The following CNST variants were observed in gnomAD, a reference collection of about 807,000 sequenced individuals.
CNST encodes consortin, connexin sorting protein, also known as consortin.
A neutral mutation model predicts 72.4 loss-of-function variants in CNST; 39 were observed. The observed-to-expected ratio is 0.54, with a 90% confidence interval of 0.42 to 0.70. The LOEUF is 0.70. Ranked by LOEUF, CNST falls within the 30% of genes least tolerant of loss-of-function variation. The probability of loss-of-function intolerance (pLI) is 0.00; values close to 1 mark genes in which losing one functional copy is unlikely to be tolerated. For missense variants in CNST, 871 were observed against 868.5 expected, an observed-to-expected ratio of 1.00 and a Z score of -0.04; for synonymous variants, 332 against 320.1, an observed-to-expected ratio of 1.04 and a Z score of -0.40.
chr1:246,639,193 G>A (rs908097219), intron 6 of CNST, among the ~76,000 whole-genome samples: 7 of 152,030 alleles, frequency 4.6e-5, no homozygotes, highest in Non-Finnish European at 8.8e-5. Context: ...CGTTCGTCGG[G>A]ATAGAGAGAA....
chr1:246,667,951 G>A lies in CNST; in HGVS notation c.*2046G>A, dbSNP rs768558431. Reference sequence around the variant, plus strand: ...AACCCAACATCTCCTGGGGACCTTCGCAGCAAGAGGAAAGCACTGAGACAA... The same window carrying A: ...AACCCAACATCTCCTGGGGACCTTCACAGCAAGAGGAAAGCACTGAGACAA... On this transcript the variant is annotated 3_prime_UTR_variant, in exon 11 of 11. Transcript: ENST00000366513. 2.6e-5 allele frequency: 4 copies of A among 152,154 alleles called. No individual in the cohort carries two copies. The highest frequency in any genetic ancestry group is 9.7e-5 in the African/African-American group (4 of 41,438). The allele number at this position is 152,154 out of a possible 1,614,324, so 9.4% of individuals were successfully genotyped here. A position where few individuals can be genotyped will look rare whatever the true frequency, so the allele number is the denominator to read the frequency against.
At chr1:246,574,132 C>G (rs1660231745) in intron 1 of CNST, among the ~76,000 whole-genome samples, 2 of 152,210 alleles carry the variant, frequency 1.3e-5, no homozygotes, top group Non-Finnish European at 2.9e-5. Context: ...CTCCACTACT[C>G]CTGGGTTCAC....
At chr1:246,642,407 A>C (rs1572225975) in intron 8 of CNST, among the ~76,000 whole-genome samples, 1 of 152,262 alleles carries the variant, frequency 6.6e-6, no homozygotes, top group Non-Finnish European at 1.5e-5. Flanking sequence ...AAAAACCAAC[A>C]GTTATTGTAT....
At chr1:246,613,663 T>TTCTCTC in intron 2 of CNST, among the ~76,000 whole-genome samples, 1 of 152 alleles carries the variant, frequency 6.6e-3, no homozygotes, top group Non-Finnish European at 0.012. Flanking sequence ...CTCTCTCTCC[T>TTCTCTC]CCTCTCTACC....
chr1:246,652,959 G>A (rs887755784), intron 9 of CNST, among the ~76,000 whole-genome samples: 18 of 150,656 alleles, frequency 1.2e-4, no homozygotes, highest in Non-Finnish European at 8.9e-5. Flanking sequence ...AGCCGAGATT[G>A]CACCACTGCA....
chr1:246,605,218 A>T (rs1044875112), intron 2 of CNST, among the ~76,000 whole-genome samples: 1 of 152,228 alleles, frequency 6.6e-6, no homozygotes. Context: ...TAAACAATGA[A>T]TTTAATCGGA....
At chr1:246,573,597 C>A (rs1049935371) in intron 1 of CNST, among the ~76,000 whole-genome samples, 33 of 151,982 alleles carry the variant, frequency 2.2e-4, no homozygotes, top group Non-Finnish European at 1.5e-5. Flanking sequence ...AGGGATTGCC[C>A]GGTGAATGCC....
At chr1:246,660,142 C>T (rs1234108457) in intron 9 of CNST, 57 bp from the exon 10 acceptor site, 11 of 1,462,050 alleles carry the variant, frequency 7.5e-6, no homozygotes, top group Non-Finnish European at 1.0e-5. Context: ...TTTATAGCTA[C>T]ATGTAGAGAT....
At chr1:246,647,052 A>AT in intron 8 of CNST, 87 bp from the exon 9 acceptor site, 1 of 1,165,404 alleles carries the variant, frequency 8.6e-7, no homozygotes, top group South Asian at 1.5e-5. Flanking sequence ...ATATTGCTGT[A>AT]TTACACATAT....
intron 2 of CNST, among the ~76,000 whole-genome samples, chr1:246,605,678 C>T (rs1349546262): frequency 6.9e-6 from 1 of 144,978 alleles, no homozygotes; most frequent in African/African-American, 2.5e-5. Flanking sequence ...GCGTGTCTTC[C>T]GGCCGGGGTA....
At chr1:246,604,436 T>C (rs1340746408) in intron 2 of CNST, among the ~76,000 whole-genome samples, 4 of 152,190 alleles carry the variant, frequency 2.6e-5, no homozygotes, top group African/African-American at 9.7e-5. Flanking sequence ...TTTTGATCTA[T>C]TGAAAGTTCA....
chr1:246,659,356 A>G (rs1666943148), intron 9 of CNST, among the ~76,000 whole-genome samples: 1 of 152,192 alleles, frequency 6.6e-6, no homozygotes, highest in Admixed American at 6.5e-5. Flanking sequence ...GCACTTTGGG[A>G]GGCCAAGGCG....
rs1414575499 is a variant in CNST at position 246,591,722 on chromosome 1, A to C, written c.160A>C (p.Ser54Arg). The C allele has an allele frequency of 1.2e-6, 2 of 1,614,218 alleles. No homozygotes were observed. Among genetic ancestry groups the C allele is most frequent in the Non-Finnish European group, 1.7e-6 (2 of 1,180,054 alleles). ...DGDGHEHLTS[S>R]DSAMGKPQVS... ...GGACGGGCATGAGCATCTGACCAGC[A>C]GTGACAGTGCGATGGGAAAGCCCCA... The change falls in exon 2 of 11, where the codon AGT becomes CGT. Residue 54 changes from serine to arginine, a missense_variant. Coordinates refer to ENST00000366513, the MANE Select transcript of CNST (RefSeq NM_152609.3).
intron 10 of CNST, among the ~76,000 whole-genome samples, chr1:246,661,048 C>T (rs1055016409): frequency 2.6e-5 from 4 of 152,050 alleles, no homozygotes; most frequent in Admixed American, 2.0e-4. Flanking sequence ...ACTGCAACCT[C>T]AACCTCCACC....
intron 4 of CNST, among the ~76,000 whole-genome samples, chr1:246,632,757 G>A (rs923233143): frequency 2.0e-5 from 3 of 152,174 alleles, no homozygotes; most frequent in African/African-American, 4.8e-5. Context: ...GTAGAATCAC[G>A]TGATAATAAT....
chr1:246,576,092 A>C (rs374511480), intron 1 of CNST, among the ~76,000 whole-genome samples: 1 of 149,076 alleles, frequency 6.7e-6, no homozygotes, highest in Non-Finnish European at 1.5e-5. Context: ...AAAATTAGCC[A>C]GGCATGGTGG....
At chr1:246,589,976 T>C (rs1572135849) in intron 1 of CNST, among the ~76,000 whole-genome samples, 2 of 152,334 alleles carry the variant, frequency 1.3e-5, no homozygotes, top group Admixed American at 6.5e-5. Flanking sequence ...GTTTTTTTCT[T>C]GTAAATTTGT....
intron 3 of CNST, among the ~76,000 whole-genome samples, chr1:246,624,435 T>C (rs1370903911): frequency 6.6e-6 from 1 of 152,278 alleles, no homozygotes; most frequent in African/African-American, 2.4e-5. Flanking sequence ...GTAAAAGCAC[T>C]TAACATATGT....
chr1:246,609,182 T>G (rs1663135314), intron 2 of CNST, among the ~76,000 whole-genome samples: 2 of 152,234 alleles, frequency 1.3e-5, no homozygotes, highest in South Asian at 2.1e-4. Context: ...ATTTCCAGAT[T>G]TATTTCAGTC....
Sources: gnomAD v4.1 joint callset for allele counts (sites outside exome capture counted in the v4.1 genomes callset) on GRCh38, gnomAD v4.1.1 for gene constraint, MANE v1.5 for transcripts, NCBI Gene and HGNC (gene_info 2026-07-23, HGNC 2026-07-21) for gene names.